TCEA1: variants seen among roughly 807,000 people sequenced by gnomAD.
TCEA1 encodes the protein transcription elongation factor A1.
A neutral mutation model predicts 43.8 loss-of-function variants in TCEA1; 21 were observed. The ratio of observed to expected loss-of-function variants is 0.48; its 90% CI spans 0.34 to 0.69. TCEA1 has a LOEUF of 0.69. Ranked by LOEUF, TCEA1 falls within the 30% of genes least tolerant of loss-of-function variation. The pLI, the probability that TCEA1 is intolerant of heterozygous loss-of-function variation, is 0.01. For synonymous variants in TCEA1, 104 were observed against 117.5 expected, an observed-to-expected ratio of 0.88 and a Z score of 0.75; for missense variants, 250 against 365.1, an observed-to-expected ratio of 0.68 and a Z score of 2.57.
At chr8:53,974,258 G>C (rs1803255351) in intron 8 of TCEA1, 2 of 152,880 alleles carry the variant, frequency 1.3e-5, no homozygotes, top group South Asian at 4.2e-4. Flanking sequence ...AAAATATACA[G>C]AAATAGTAGG....
intron 2 of TCEA1, among the ~76,000 whole-genome samples, chr8:54,004,474 A>C (rs1804375316): frequency 6.6e-6 from 1 of 152,244 alleles, no homozygotes; most frequent in Non-Finnish European, 1.5e-5. Flanking sequence ...CATAAACTGC[A>C]ACATGGATGA....
At chr8:54,006,305 C>A (rs1459560594) in intron 2 of TCEA1, among the ~76,000 whole-genome samples, 4 of 152,120 alleles carry the variant, frequency 2.6e-5, no homozygotes, top group South Asian at 2.1e-4. Flanking sequence ...AAACCCAGCA[C>A]AATTCTTAAT....
At chr8:53,992,749 A>C (rs979930003) in intron 4 of TCEA1, among the ~76,000 whole-genome samples, 1 of 152,180 alleles carries the variant, frequency 6.6e-6, no homozygotes, top group African/African-American at 2.4e-5. Flanking sequence ...CATTGCTTTA[A>C]ATCAATGTTG....
chr8:53,984,335 T>C (rs1563476719), intron 7 of TCEA1, 28 bp downstream of exon 7: 8 of 1,567,144 alleles, frequency 5.1e-6, no homozygotes, highest in East Asian at 2.2e-5. Flanking sequence ...AATCACATTA[T>C]AGAAACCTCA....
chr8:54,002,789 G>T, intron 2 of TCEA1: 1 of 415,148 alleles, frequency 2.4e-6, no homozygotes, highest in African/African-American at 2.1e-5. Flanking sequence ...ACTAATGAAA[G>T]CTTTCAGGAC....
At chr8:54,009,213 C>G (rs1011215832) in intron 2 of TCEA1, among the ~76,000 whole-genome samples, 1 of 151,140 alleles carries the variant, frequency 6.6e-6, no homozygotes, top group Non-Finnish European at 1.5e-5. Flanking sequence ...AAAGGGAACT[C>G]ATACACTGTT....
intron 1 of TCEA1, among the ~76,000 whole-genome samples, chr8:54,013,872 G>A (rs1343530074): frequency 2.0e-5 from 3 of 151,956 alleles, no homozygotes; most frequent in Non-Finnish European, 2.9e-5. Context: ...AAACCCTATA[G>A]AAGCAGGTAT....
At chr8:53,981,903 C>A (rs184259776) in intron 7 of TCEA1, among the ~76,000 whole-genome samples, 1 of 151,624 alleles carries the variant, frequency 6.6e-6, no homozygotes, top group East Asian at 1.9e-4. Context: ...CAGGAACGCA[C>A]CACACCATGC....
At chr8:53,979,748 G>A (rs1310663564) in intron 7 of TCEA1, among the ~76,000 whole-genome samples, 2 of 152,210 alleles carry the variant, frequency 1.3e-5, no homozygotes, top group Admixed American at 6.5e-5. Flanking sequence ...CACAAAGTGT[G>A]TGACTTCCCC....
intron 2 of TCEA1, among the ~76,000 whole-genome samples, chr8:54,003,588 T>C (rs920936752): frequency 2.6e-5 from 4 of 152,144 alleles, no homozygotes; most frequent in Admixed American, 6.5e-5. Context: ...AGACAATTCA[T>C]TGGAGAAAAG....
At chr8:54,006,668 GGGATAAA>G (rs1804473082) in intron 2 of TCEA1, among the ~76,000 whole-genome samples, 2 of 152,198 alleles carry the variant, frequency 1.3e-5, no homozygotes, top group South Asian at 4.1e-4. Context: ...CAGGTCTGTC[GGGATAAA>G]GTTATGCCTT....
chr8:54,007,600 T>C (rs996064868), intron 2 of TCEA1, among the ~76,000 whole-genome samples: 10 of 152,260 alleles, frequency 6.6e-5, no homozygotes, highest in Non-Finnish European at 5.9e-5. Flanking sequence ...ATTTTAGTTT[T>C]AGTCGTAAAT....
rs377508233 is a variant in TCEA1 at position 53,985,152 on chromosome 8, G to A, written c.524-635C>T. ...CCTCAGCCTCCCGAGTAGCTGCTGC[G>A]ATTATAAGCGCCTGCCACCATGCCC... On this transcript the variant is annotated intron_variant, in intron 6 of 9. Transcript: ENST00000521604. Among the ~76,000 whole-genome samples the A allele has an allele frequency of 6.8e-4, 104 of 152,042 alleles. 1 individual carries two copies. In the East Asian group the frequency reaches 0.016, roughly 23 times the overall value.
At chr8:54,002,660 T>G (rs897902237) in intron 2 of TCEA1, among the ~76,000 whole-genome samples, 1 of 151,950 alleles carries the variant, frequency 6.6e-6, no homozygotes, top group Non-Finnish European at 1.5e-5. Flanking sequence ...TCCCTAGAGA[T>G]TTTTCCTAAA....
intron 2 of TCEA1, among the ~76,000 whole-genome samples, chr8:54,007,142 A>G (rs974694852): frequency 1.1e-4 from 16 of 152,022 alleles, no homozygotes; most frequent in African/African-American, 3.9e-4. Context: ...TGGTCGGCCT[A>G]GAGGAGGAGT....
chr8:54,005,878 C>T (rs1042784222), intron 2 of TCEA1, among the ~76,000 whole-genome samples: 6 of 152,136 alleles, frequency 3.9e-5, no homozygotes, highest in Non-Finnish European at 7.4e-5. Context: ...TGAAGCCCTG[C>T]GTGCCACACC....
In TCEA1 at chr8:54,009,380, A is replaced by G. The variant is rs187602457; in HGVS notation, c.126+1050T>C. On this transcript the variant is annotated intron_variant, in intron 2 of 9. Transcript: ENST00000521604. ...AGGGGTATCTGCACCCCTCATGTTT[A>G]CTGCAGCACTATTCACAATAGCCAA... Among the ~76,000 whole-genome samples the G allele has an allele frequency of 1.3e-3, 198 of 152,346 alleles. 1 individual carries two copies. Among genetic ancestry groups the G allele is most frequent in the Non-Finnish European group, 4.7e-4 (32 of 68,036 alleles).
chr8:53,998,638 T>C (rs932032120), intron 3 of TCEA1, among the ~76,000 whole-genome samples: 1 of 152,034 alleles, frequency 6.6e-6, no homozygotes, highest in African/African-American at 2.4e-5. Flanking sequence ...TTTCAGGAAA[T>C]ATATCAACAA....
At chr8:54,011,589 T>G (rs996919199) in intron 1 of TCEA1, among the ~76,000 whole-genome samples, 1 of 152,222 alleles carries the variant, frequency 6.6e-6, no homozygotes, top group Non-Finnish European at 1.5e-5. Flanking sequence ...CTAAAATGTT[T>G]AAGTATGAAA....
Sources: allele counts gnomAD v4.1 joint callset (sites outside exome capture counted in the v4.1 genomes callset), GRCh38; gene constraint gnomAD v4.1.1; transcripts MANE v1.5; gene names NCBI Gene and HGNC (gene_info 2026-07-23, HGNC 2026-07-21).